The following RBFOX1 variants were observed in gnomAD, a reference collection of about 807,000 sequenced individuals.
The protein encoded by RBFOX1 is RNA binding fox-1 homolog 1.
In RBFOX1, 8 loss-of-function variants were observed where a neutral mutation model predicts 57.7. The observed-to-expected ratio is 0.14, with a 90% CI of 0.08 to 0.25. RBFOX1 has a LOEUF of 0.25. Ranked by LOEUF, RBFOX1 falls within the 10% of genes least tolerant of loss-of-function variation. RBFOX1 has a pLI of 1.00. For synonymous variants in RBFOX1, 326 were observed against 222.4 expected, an observed-to-expected ratio of 1.47 and a Z score of -4.15; for missense variants, 611 against 548.5, an observed-to-expected ratio of 1.11 and a Z score of -1.14.
intron 1 of RBFOX1, among the ~76,000 whole-genome samples, chr16:5,241,163 C>T (rs1184203786): frequency 6.6e-6 from 1 of 152,206 alleles, no homozygotes; most frequent in African/African-American, 2.4e-5. Flanking sequence ...CAGAGCCCCC[C>T]CTGCCCAGTC....
intron 1 of RBFOX1, among the ~76,000 whole-genome samples, chr16:6,058,592 A>C (rs533914641): frequency 1.3e-5 from 2 of 151,656 alleles, no homozygotes; most frequent in East Asian, 1.9e-4. Flanking sequence ...CCATCTATCT[A>C]CCCACCCATC....
At chr16:5,566,592 G>T (rs2151119937) in intron 2 of RBFOX1, among the ~76,000 whole-genome samples, 1 of 151,344 alleles carries the variant, frequency 6.6e-6, no homozygotes, top group African/African-American at 2.4e-5. Flanking sequence ...ATGTATATAT[G>T]TGTGTATATA....
intron 1 of RBFOX1, among the ~76,000 whole-genome samples, chr16:5,430,631 C>T (rs948849937): frequency 1.3e-5 from 2 of 152,210 alleles, no homozygotes; most frequent in Admixed American, 6.5e-5. Flanking sequence ...TGACTCCAGA[C>T]ACTCAGTGAT....
intron 1 of RBFOX1, among the ~76,000 whole-genome samples, chr16:5,380,057 G>C (rs1232306885): frequency 6.6e-6 from 1 of 152,174 alleles, no homozygotes; most frequent in African/African-American, 2.4e-5. Context: ...GGAAGCCGGT[G>C]ACTAAGGATG....
At chr16:7,693,470 TTTAG>T in intron 14 of RBFOX1, 1 of 875,194 alleles carries the variant, frequency 1.1e-6, no homozygotes, top group Non-Finnish European at 1.8e-6. Context: ...CTCTAGAAAG[TTTAG>T]TTAAGAAAAA....
chr16:6,393,199 G>C (rs911640593), intron 2 of RBFOX1, among the ~76,000 whole-genome samples: 1 of 152,194 alleles, frequency 6.6e-6, no homozygotes, highest in African/African-American at 2.4e-5. Context: ...TGTAGATGCT[G>C]AAATGTCACA....
rs541038194 is a variant in RBFOX1, at chr16:6,695,859, C to G, written c.-16+41209C>G. 8.5e-5 allele frequency among the ~76,000 whole-genome samples: 13 copies of G among 152,262 alleles called. No homozygotes were observed. The South Asian group carries it at 2.5e-3, about 29-fold the overall frequency. ...TTCCCTGCTGGAAATCCAGGTGGCT[C>G]AGGATGAACATCTCCATATGGCCGT... On this transcript the variant is annotated intron_variant, in intron 3 of 15. Transcript: ENST00000550418.
At chr16:6,473,046 G>A (rs186471129) in intron 2 of RBFOX1, among the ~76,000 whole-genome samples, 10 of 152,182 alleles carry the variant, frequency 6.6e-5, no homozygotes, top group African/African-American at 2.4e-4. Flanking sequence ...TAACAGAGAG[G>A]AACACCCATG....
At chr16:6,006,383 A>T (rs1217736993) in intron 4 of RBFOX1, among the ~76,000 whole-genome samples, 4 of 152,128 alleles carry the variant, frequency 2.6e-5, no homozygotes, top group Non-Finnish European at 5.9e-5. Context: ...GGGAAAAAAA[A>T]AAAAGGAAAA....
At chr16:7,362,165 G>A (rs560109875) in intron 4 of RBFOX1, among the ~76,000 whole-genome samples, 1 of 145,158 alleles carries the variant, frequency 6.9e-6, no homozygotes, top group Non-Finnish European at 1.5e-5. Context: ...TGTATGTTTT[G>A]TATGCTTGCT....
chr16:5,751,235 A>C (rs1287264596), intron 3 of RBFOX1, among the ~76,000 whole-genome samples: 1 of 152,166 alleles, frequency 6.6e-6, no homozygotes, highest in Non-Finnish European at 1.5e-5. Flanking sequence ...GATGGATTAG[A>C]CTAGGTGATT....
At chr16:6,634,543 T>A (rs1438679863) in intron 2 of RBFOX1, among the ~76,000 whole-genome samples, 2 of 147,890 alleles carry the variant, frequency 1.4e-5, no homozygotes, top group Admixed American at 1.4e-4. Context: ...TTATATTTTT[T>A]AATTTAAATA....
intron 4 of RBFOX1, among the ~76,000 whole-genome samples, chr16:7,311,750 A>G (rs1383379224): frequency 6.6e-6 from 1 of 152,090 alleles, no homozygotes; most frequent in African/African-American, 2.4e-5. Context: ...TTCAGATGAA[A>G]AACCCAGATC....
chr16:5,286,851 A>C (rs139444312), intron 1 of RBFOX1, among the ~76,000 whole-genome samples: 43 of 152,332 alleles, frequency 2.8e-4, no homozygotes, highest in African/African-American at 9.6e-4. Context: ...TATTCCAGTA[A>C]AATTTAATTT....
intron 3 of RBFOX1, among the ~76,000 whole-genome samples, chr16:6,780,523 T>TATATATTTATATATACATTTAC (rs1293912083): frequency 2.8e-5 from 3 of 108,194 alleles, no homozygotes; most frequent in Non-Finnish European, 5.5e-5. Flanking sequence ...TATACATTTA[T>TATATATTTATATATACATTTAC]ATATATTTAT....
chr16:7,632,206 G>A (rs2061084867), intron 11 of RBFOX1, among the ~76,000 whole-genome samples: 1 of 152,130 alleles, frequency 6.6e-6, no homozygotes, highest in South Asian at 2.1e-4. Flanking sequence ...ACTGCCCCTG[G>A]CCCAGACTAT....
intron 4 of RBFOX1, among the ~76,000 whole-genome samples, chr16:7,400,858 G>T (rs1395216385): frequency 2.0e-5 from 3 of 152,198 alleles, no homozygotes; most frequent in African/African-American, 7.2e-5. Flanking sequence ...GTGATATTTA[G>T]GGGATCTTCT....
At chr16:5,834,848 C>T (rs1222894517) in intron 3 of RBFOX1, among the ~76,000 whole-genome samples, 2 of 151,832 alleles carry the variant, frequency 1.3e-5, no homozygotes, top group Non-Finnish European at 2.9e-5. Flanking sequence ...ATTTCTTTTC[C>T]ATTGGGTAGC....
At chr16:7,244,271 A>AAG (rs923067451) in intron 4 of RBFOX1, among the ~76,000 whole-genome samples, 31 of 128,800 alleles carry the variant, frequency 2.4e-4, no homozygotes, top group Non-Finnish European at 3.6e-4. Flanking sequence ...AAAAAAAAAA[A>AAG]CACCCTTGGG....
Sources: allele counts gnomAD v4.1 joint callset (sites outside exome capture counted in the v4.1 genomes callset), GRCh38; gene constraint gnomAD v4.1.1; transcripts MANE v1.5; gene names NCBI Gene and HGNC (gene_info 2026-07-23, HGNC 2026-07-21).